THRAP3: variants seen among roughly 807,000 people sequenced by gnomAD.
THRAP3 encodes thyroid hormone receptor associated protein 3.
A neutral mutation model predicts 101.0 loss-of-function variants in THRAP3; 16 were observed. The ratio of observed to expected loss-of-function variants is 0.16; its 90% CI spans 0.11 to 0.24. The LOEUF is 0.24. THRAP3 is among the 10% of genes least tolerant of loss of function. The pLI is 1.00. For synonymous variants in THRAP3, 407 were observed against 422.6 expected (o/e 0.96, Z 0.45); for missense variants, 989 against 1,202.7 (o/e 0.82, Z 2.63).
At chr1:36,257,440 G>T (rs961649385) in intron 1 of THRAP3, among the ~76,000 whole-genome samples, 2 of 152,086 alleles carry the variant, frequency 1.3e-5, no homozygotes, top group African/African-American at 4.8e-5. Flanking sequence ...TGTGTAGAAG[G>T]GAAGAGGGTC....
chr1:36,273,841 G>A (rs148299201), intron 2 of THRAP3, among the ~76,000 whole-genome samples: 1,640 of 152,220 alleles, frequency 0.011, 24 homozygotes, highest in African/African-American at 0.037. Context: ...AGGAGTTTGA[G>A]ACCAGCCTGG....
chr1:36,267,015 G>T (rs1645523459), intron 2 of THRAP3, among the ~76,000 whole-genome samples: 1 of 151,922 alleles, frequency 6.6e-6, no homozygotes, highest in Non-Finnish European at 1.5e-5. Context: ...CGAGTAGGTG[G>T]GATTACATTT....
intron 1 of THRAP3, among the ~76,000 whole-genome samples, chr1:36,250,487 C>T (rs977036509): frequency 3.3e-5 from 5 of 152,046 alleles, no homozygotes; most frequent in African/African-American, 1.2e-4. Context: ...TCTGGGATTA[C>T]AGGCGGTATA....
rs1353561327 is a variant in THRAP3, at chr1:36,292,464, G to A, written c.1919-134G>A. ...TTTTTGTATTTTTAGTAGAGACGGGGTTTCACCGTGTTAGCCAGGATGGTC... is the reference window on the plus strand; with the variant it reads ...TTTTTGTATTTTTAGTAGAGACGGGATTTCACCGTGTTAGCCAGGATGGTC... On this transcript the variant is annotated intron_variant, in intron 6 of 11. Transcript: ENST00000354618. The A allele has an allele frequency of 1.0e-5, 6 of 582,496 alleles. 1 individual carries two copies. The highest frequency in any genetic ancestry group is 1.8e-5 in the Non-Finnish European group (6 of 328,616). The allele number at this position is 582,496 out of a possible 1,614,324, so 36.1% of individuals were successfully genotyped here. A position where few individuals can be genotyped will look rare whatever the true frequency, so the allele number is the denominator to read the frequency against.
chr1:36,270,577 GTTTT>G (rs869142351), intron 2 of THRAP3, among the ~76,000 whole-genome samples: 18 of 34,654 alleles, frequency 5.2e-4, no homozygotes, highest in African/African-American at 9.4e-4. Context: ...TTAGGTTTTT[GTTTT>G]TTTTTTTTTT....
chr1:36,242,909 G>GT (rs995130636), intron 1 of THRAP3, among the ~76,000 whole-genome samples: 13 of 150,766 alleles, frequency 8.6e-5, no homozygotes, highest in East Asian at 2.0e-4. Flanking sequence ...CACAGTTAGT[G>GT]TTTTTTTTTA....
intron 1 of THRAP3, among the ~76,000 whole-genome samples, 186 bp downstream of exon 1, chr1:36,224,691 C>A (rs1368242575): frequency 6.6e-6 from 1 of 152,168 alleles, no homozygotes; most frequent in African/African-American, 2.4e-5. Flanking sequence ...CCCTTCCCCG[C>A]CCTTTAGGTC....
At chr1:36,275,712 G>A (rs1379086845) in intron 2 of THRAP3, among the ~76,000 whole-genome samples, 9 of 151,078 alleles carry the variant, frequency 6.0e-5, no homozygotes, top group Non-Finnish European at 1.3e-4. Flanking sequence ...GCTAGATCTA[G>A]ATAGCCACAT....
intron 4 of THRAP3, 185 bp from the exon 5 acceptor site, chr1:36,288,874 AT>A (rs1645828894): frequency 1.0e-6 from 1 of 985,386 alleles, no homozygotes; most frequent in Non-Finnish European, 1.2e-6. Flanking sequence ...TGGCAAGTTC[AT>A]AGAACTGTGA....
intron 1 of THRAP3, among the ~76,000 whole-genome samples, chr1:36,250,795 C>G (rs1355791147): frequency 1.3e-5 from 2 of 151,622 alleles, no homozygotes; most frequent in Non-Finnish European, 2.9e-5. Flanking sequence ...CGCCTGTAAT[C>G]CCATCTATTG....
intron 1 of THRAP3, among the ~76,000 whole-genome samples, chr1:36,249,317 G>A (rs778095411): frequency 6.0e-5 from 9 of 149,802 alleles, no homozygotes; most frequent in Non-Finnish European, 1.3e-4. Flanking sequence ...TTGGCCTCCC[G>A]AGTAGCTGGG....
chr1:36,299,001 C>T (rs540757718), intron 9 of THRAP3, among the ~76,000 whole-genome samples: 3 of 152,104 alleles, frequency 2.0e-5, no homozygotes, highest in African/African-American at 7.2e-5. Context: ...GCCATGTTGC[C>T]CAGGATGGTC....
intron 1 of THRAP3, among the ~76,000 whole-genome samples, chr1:36,258,104 G>T (rs566885338): frequency 1.6e-4 from 24 of 152,322 alleles, no homozygotes; most frequent in African/African-American, 5.3e-4. Context: ...CTCCCAAAGT[G>T]CTGGGATTAC....
chr1:36,292,810 A>G, intron 7 of THRAP3, 101 bp downstream of exon 7: 1 of 820,804 alleles, frequency 1.2e-6, no homozygotes. Flanking sequence ...CTTTAATACA[A>G]AATTTACAGT....
the THRAP3 span, among the ~76,000 whole-genome samples, chr1:36,215,217 CA>C: frequency 2.7e-5 from 4 of 148,592 alleles, no homozygotes; most frequent in Non-Finnish European, 4.5e-5. Flanking sequence ...GAGCGAGACT[CA>C]AAAAAAAACA....
intron 2 of THRAP3, among the ~76,000 whole-genome samples, chr1:36,269,800 C>CA (rs1645565240): frequency 6.6e-6 from 1 of 151,970 alleles, no homozygotes; most frequent in African/African-American, 2.4e-5. Context: ...GCTGATTCGA[C>CA]ATCCTGGGCT....
At chr1:36,240,486 C>T (rs1645142309) in intron 1 of THRAP3, among the ~76,000 whole-genome samples, 1 of 152,192 alleles carries the variant, frequency 6.6e-6, no homozygotes, top group Admixed American at 6.5e-5. Flanking sequence ...GTGCTTAAAG[C>T]TGATTGAATG....
chr1:36,220,973 ATATATAT>A (rs1215542597), upstream of THRAP3, among the ~76,000 whole-genome samples: 4 of 80,630 alleles, frequency 5.0e-5, no homozygotes, highest in African/African-American at 2.1e-4. Flanking sequence ...AAAAAAAAAA[ATATATAT>A]ATATATATAT....
chr1:36,280,876 T>C (rs147375440), intron 2 of THRAP3, among the ~76,000 whole-genome samples: 2 of 152,152 alleles, frequency 1.3e-5, no homozygotes, highest in East Asian at 1.9e-4. Flanking sequence ...AAAAGACTAT[T>C]TGTTTCTTGG....
Sources: gnomAD v4.1 joint callset for allele counts (sites outside exome capture counted in the v4.1 genomes callset) on GRCh38, gnomAD v4.1.1 for gene constraint, MANE v1.5 for transcripts, NCBI Gene and HGNC (gene_info 2026-07-23, HGNC 2026-07-21) for gene names.